The following MCPH1 variants were observed in gnomAD, a reference collection of about 807,000 sequenced individuals.
MCPH1 encodes the protein microcephalin 1, also known as microcephalin.
Under a neutral mutation model 84.5 loss-of-function variants are expected in MCPH1, and 104 were observed. The observed-to-expected ratio is 1.23, with a 90% CI of 1.05 to 1.45. The LOEUF is 1.45. Among genes scored for constraint, MCPH1 ranks in the 40% most tolerant of loss-of-function variants. The probability of loss-of-function intolerance (pLI) is 0.00; values close to 1 mark genes in which losing one functional copy is unlikely to be tolerated. For synonymous variants in MCPH1, 514 were observed against 366.8 expected, an observed-to-expected ratio of 1.40 and a Z score of -4.58; for missense variants, 1,498 against 1,005.7, an observed-to-expected ratio of 1.49 and a Z score of -6.62.
chr8:6,481,780 A>G (rs1330359657), intron 11 of MCPH1, among the ~76,000 whole-genome samples: 1 of 152,226 alleles, frequency 6.6e-6, no homozygotes, highest in Non-Finnish European at 1.5e-5. Flanking sequence ...ATTGGTGGCA[A>G]TGGGGGATCA....
intron 6 of MCPH1, among the ~76,000 whole-genome samples, chr8:6,440,590 A>G (rs921807985): frequency 4.6e-5 from 7 of 152,200 alleles, no homozygotes; most frequent in African/African-American, 1.4e-4. Context: ...CCAGTTGTTT[A>G]TAAGAATGCC....
At chr8:6,641,982 C>G (rs1308431942) in intron 13 of MCPH1, among the ~76,000 whole-genome samples, 1 of 152,164 alleles carries the variant, frequency 6.6e-6, no homozygotes, top group African/African-American at 2.4e-5. Flanking sequence ...GAGAAGACAA[C>G]AGTTAAATTC....
intron 6 of MCPH1, among the ~76,000 whole-genome samples, chr8:6,440,047 C>T (rs560614660): frequency 6.6e-6 from 1 of 152,146 alleles, no homozygotes; most frequent in South Asian, 2.1e-4. Context: ...TATTATTATC[C>T]GCTTTATTTA....
intron 9 of MCPH1, among the ~76,000 whole-genome samples, chr8:6,464,204 A>G (rs1447290850): frequency 6.6e-6 from 1 of 152,178 alleles, no homozygotes; most frequent in Admixed American, 6.5e-5. Context: ...CAGCTGTTTC[A>G]GTGATCTGTA....
At chr8:6,407,040 C>T (rs1479708581) in intron 1 of MCPH1, 2 of 368,828 alleles carry the variant, frequency 5.4e-6, no homozygotes, top group Non-Finnish European at 1.0e-5. Flanking sequence ...CCTGCTCCCT[C>T]CCCCATGCTG....
chr8:6,577,867 A>T (rs764651107), intron 12 of MCPH1, among the ~76,000 whole-genome samples: 4 of 152,190 alleles, frequency 2.6e-5, no homozygotes, highest in Non-Finnish European at 5.9e-5. Flanking sequence ...TCCAGAGCTG[A>T]ATTAATCCAG....
At chr8:6,486,206 T>C (rs17077117) in intron 11 of MCPH1, among the ~76,000 whole-genome samples, 3,185 of 152,172 alleles carry the variant, frequency 0.021, 109 homozygotes, top group African/African-American at 0.073. Flanking sequence ...TCTTTTAGGG[T>C]CAAGATTTAA....
intron 12 of MCPH1, among the ~76,000 whole-genome samples, chr8:6,550,717 A>G (rs1480306546): frequency 6.6e-6 from 1 of 152,218 alleles, no homozygotes. Flanking sequence ...TCTGAAAGGA[A>G]GAAATTTTAT....
intron 13 of MCPH1, among the ~76,000 whole-genome samples, chr8:6,642,528 A>G (rs1483824983): frequency 1.3e-5 from 2 of 152,246 alleles, no homozygotes; most frequent in Non-Finnish European, 2.9e-5. Flanking sequence ...CATAAAAAAT[A>G]CCTATGCTGG....
At chr8:6,513,948 G>A in intron 12 of MCPH1, 1 of 1,137,840 alleles carries the variant, frequency 8.8e-7, no homozygotes, top group Non-Finnish European at 1.2e-6. Flanking sequence ...TCAAATAGCA[G>A]AAATTCCTTC....
At chr8:6,548,628 G>T (rs961474807) in intron 12 of MCPH1, among the ~76,000 whole-genome samples, 2 of 152,176 alleles carry the variant, frequency 1.3e-5, no homozygotes, top group Non-Finnish European at 2.9e-5. Context: ...AATGATGGCC[G>T]TAAGTCATAG....
intron 11 of MCPH1, among the ~76,000 whole-genome samples, chr8:6,492,650 A>G (rs897494944): frequency 5.3e-4 from 79 of 148,146 alleles, no homozygotes; most frequent in African/African-American, 1.9e-3. Context: ...TAATATTAAT[A>G]TTAAATAGTT....
At chr8:6,638,067 C>G (rs893161478) in intron 13 of MCPH1, among the ~76,000 whole-genome samples, 3 of 151,836 alleles carry the variant, frequency 2.0e-5, no homozygotes, top group Non-Finnish European at 4.4e-5. Context: ...GAAGCAGTGC[C>G]TACAGGACTG....
intron 13 of MCPH1, among the ~76,000 whole-genome samples, chr8:6,623,719 C>G (rs199969726): frequency 1.4e-4 from 1 of 7,074 alleles, no homozygotes; most frequent in Non-Finnish European, 3.2e-4. Flanking sequence ...AAAAAAAAAA[C>G]TATTGATTTT....
At chr8:6,473,802 A>G (rs1808079317) in intron 9 of MCPH1, 10 of 1,105,790 alleles carry the variant, frequency 9.0e-6, no homozygotes, top group Admixed American at 2.7e-5. Flanking sequence ...CAGCAGAGAG[A>G]TATCAGCAAG....
chr8:6,431,358 A>T lies in MCPH1; in HGVS notation c.234-141A>T, dbSNP rs2251956. On this transcript the variant is annotated intron_variant, in intron 3 of 13. Coordinates refer to ENST00000344683, the MANE Select transcript of MCPH1 (RefSeq NM_024596.5). ...GATTTATACTGACTTTTGTATTTGC[A>T]GTTGTATTTATTTTTTAAAAGTCTG... The T allele has an allele frequency of 0.79, 507,765 of 642,990 alleles. 203,751 individuals carry two copies. Among genetic ancestry groups the T allele is most frequent in the Admixed American group, 0.84 (30,292 of 36,212 alleles). The allele number at this position is 642,990 out of a possible 1,614,324, so 39.8% of individuals were successfully genotyped here. A position where few individuals can be genotyped will look rare whatever the true frequency, so the allele number is the denominator to read the frequency against.
chr8:6,532,429 G>T, intron 12 of MCPH1: 2 of 1,613,886 alleles, frequency 1.2e-6, no homozygotes, highest in South Asian at 1.1e-5. Context: ...GTTCTGTACT[G>T]CATTCTGCTG....
intron 12 of MCPH1, among the ~76,000 whole-genome samples, chr8:6,584,586 G>A (rs368191743): frequency 2.6e-5 from 4 of 152,170 alleles, no homozygotes; most frequent in Middle Eastern, 3.4e-3. Context: ...CATTATAACC[G>A]GGGGAGGAAA....
chr8:6,444,838 G>C lies in MCPH1; in HGVS notation c.1116G>C (p.Lys372Asn), dbSNP rs1295479371. The C allele has an allele frequency of 6.2e-7, 1 of 1,614,192 alleles. No homozygotes were observed. Among genetic ancestry groups the C allele is most frequent in the East Asian group, 2.2e-5 (1 of 44,880 alleles). ...ATTCACCTCCGAAGGAAAAATGCAA[G>C]AGAAAGAGGAGCACCAGGAGATCTA... is the stretch of plus-strand genomic sequence containing the variant. Reference protein sequence around the residue: ...GSHSPPKEKCKRKRSTRRSIM... With the variant: ...GSHSPPKEKCNRKRSTRRSIM... Residue 372 changes from lysine to asparagine, a missense_variant, in exon 8 of 14, where the codon AAG (lysine) becomes AAC (asparagine). Transcript: ENST00000344683.
Sources: gnomAD v4.1 joint callset for allele counts (sites outside exome capture counted in the v4.1 genomes callset) on GRCh38, gnomAD v4.1.1 for gene constraint, MANE v1.5 for transcripts, NCBI Gene and HGNC (gene_info 2026-07-23, HGNC 2026-07-21) for gene names.